Variants in ANKAR observed in about 807,000 individuals in gnomAD.
The protein encoded by ANKAR is ankyrin and armadillo repeat containing, also known as ankyrin and armadillo repeat-containing protein.
Under a neutral mutation model 146.2 loss-of-function variants are expected in ANKAR, and 136 were observed. That is an observed-to-expected ratio of 0.93 (90% CI 0.81 to 1.07). ANKAR has a LOEUF of 1.07. Ranked by LOEUF, ANKAR falls within the 50% of genes least tolerant of loss-of-function variation. The pLI, the probability that ANKAR is intolerant of heterozygous loss-of-function variation, is 0.00. For missense variants in ANKAR, 1,567 were observed against 1,679.9 expected, an observed-to-expected ratio of 0.93 and a Z score of 1.18; for synonymous variants, 500 against 575.8, an observed-to-expected ratio of 0.87 and a Z score of 1.88.
Position 189,692,264 on chromosome 2 carries a change from T to C in ANKAR, c.1049T>C (p.Val350Ala). ...GTTTTCATTTTTGGAGATGACAAGG[T>C]CAAGACAGAGCGAGAATTGCCTCCA... ...SLLQPFSDDK[V>A]KTERELPPFI... Residue 350 changes from valine to alanine, a missense_variant, in exon 4 of 23, where the codon GTC becomes GCC. Coordinates refer to ENST00000684021, the MANE Select transcript of ANKAR (RefSeq NM_001378068.1). 2 of 1,611,126 alleles carry C rather than the reference T, an allele frequency of 1.2e-6. No individual in the cohort carries two copies. The highest frequency in any genetic ancestry group is 8.5e-7 in the Non-Finnish European group (1 of 1,179,126).
chr2:189,678,837 A>T (rs187749639), intron 2 of ANKAR, among the ~76,000 whole-genome samples: 6 of 152,306 alleles, frequency 3.9e-5, no homozygotes, highest in Admixed American at 6.5e-5. Flanking sequence ...GCCTTGTAGT[A>T]TAGTTTGAAG....
Position 189,728,644 on chromosome 2 carries a change from T to C in ANKAR, c.3032-16T>C, listed in dbSNP as rs1366506998. 2 of 1,611,576 alleles carry C rather than the reference T, an allele frequency of 1.2e-6. No homozygotes were observed. The highest frequency in any genetic ancestry group is 1.1e-5 in the South Asian group (1 of 90,604). On this transcript the variant is annotated splice_polypyrimidine_tract_variant and intron_variant, in intron 14 of 22. Coordinates refer to ENST00000684021, the MANE Select transcript of ANKAR (RefSeq NM_001378068.1). ...GCACTGGAGTATCATACATGTATCT[T>C]GCTTTTCTTTATCAGGAGGTGAAGC...
chr2:189,717,200 G>T (rs2105761758), intron 10 of ANKAR, among the ~76,000 whole-genome samples: 1 of 152,154 alleles, frequency 6.6e-6, no homozygotes, highest in East Asian at 1.9e-4. Flanking sequence ...ATCTGACAAA[G>T]GGCTAATATC....
intron 3 of ANKAR, among the ~76,000 whole-genome samples, chr2:189,690,786 G>A (rs1278136211): frequency 2.0e-5 from 3 of 152,132 alleles, no homozygotes; most frequent in South Asian, 2.1e-4. Context: ...CTTGGGTGGT[G>A]GGGAGCATGT....
Position 189,730,548 on chromosome 2 carries a change from G to T in ANKAR, c.3247G>T (p.Ala1083Ser). ...TCAACAATTGGTTGTAGATGAAAAT[G>T]CCTTTCCAGTACTTATCCAACTACT... ...VSQQLVVDEN[A>S]FPVLIQLLRN... The change falls in exon 16 of 23, where the codon GCC (alanine) becomes TCC (serine). Residue 1083 changes from alanine to serine, a missense_variant. Ala to Ser is a moderately conservative substitution (Grantham distance 99). Coordinates refer to ENST00000684021, the MANE Select transcript of ANKAR (RefSeq NM_001378068.1). 6.2e-7 allele frequency: 1 copy of T among 1,605,036 alleles called. No individual in the cohort carries two copies.
At chr2:189,725,286 AC>A (rs1220048568) in intron 12 of ANKAR, among the ~76,000 whole-genome samples, 1 of 29,384 alleles carries the variant, frequency 3.4e-5, no homozygotes. Flanking sequence ...TTATACACAC[AC>A]ACACACACAC....
chr2:189,680,999 G>A (rs977785757), intron 2 of ANKAR, among the ~76,000 whole-genome samples: 1 of 9,114 alleles, frequency 1.1e-4, no homozygotes. Context: ...AACAGCGGTA[G>A]AGCCTTGACA....
chr2:189,695,757 TAGTC>T (rs1181238082), intron 6 of ANKAR, among the ~76,000 whole-genome samples: 1 of 152,218 alleles, frequency 6.6e-6, no homozygotes, highest in Non-Finnish European at 1.5e-5. Flanking sequence ...TTTTAAATAT[TAGTC>T]AGAATGTCTA....
chr2:189,743,500 GT>G, intron 21 of ANKAR, 26 bp downstream of exon 21: 1 of 1,593,886 alleles, frequency 6.3e-7, no homozygotes, highest in Non-Finnish European at 8.6e-7. Flanking sequence ...AGAAGTTGCA[GT>G]AGTGAAATCA....
chr2:189,696,248 A>G lies in ANKAR; in HGVS notation c.1587A>G (p.Ser529=), dbSNP rs759341352. 7.4e-6 allele frequency: 12 copies of G among 1,614,166 alleles called. No individual in the cohort carries two copies. Among genetic ancestry groups the G allele is most frequent in the Non-Finnish European group, 1.0e-5 (12 of 1,180,014 alleles). The change falls in exon 7 of 23, where the codon TCA becomes TCG. Residue 529 remains serine (S), a synonymous_variant. Transcript: ENST00000684021. ...CCTCAAGCTCAACAATCAATGTTTC[A>G]GATGAAGCAGGTTATACTATTTTTC... ...RKTSSSTINV[S]DEAGYTIFHH...
rs1338061610 is a variant in ANKAR at position 189,746,608 on chromosome 2, C to T, written c.4286C>T (p.Pro1429Leu). ...GGGAAACATGTCCAGAAAGCCAACC[C>T]AGAGCCTGCAGAAGGCTAATAAAAC... ...QLGKHVQKAN[P>L]EPAEG Residue 1429 changes from proline to leucine, a missense_variant, in exon 23 of 23, where the codon CCA becomes CTA. Coordinates refer to ENST00000684021, the MANE Select transcript of ANKAR (RefSeq NM_001378068.1). 6.2e-7 allele frequency: 1 copy of T among 1,603,290 alleles called. No individual in the cohort carries two copies. Among genetic ancestry groups the T allele is most frequent in the East Asian group, 2.2e-5 (1 of 44,658 alleles).
At chr2:189,755,575 G>A (rs757571698) in intron 18 of ANKAR, 1 of 1,573,126 alleles carries the variant, frequency 6.4e-7, no homozygotes, top group Non-Finnish European at 8.5e-7. Context: ...AAGAAAGAAA[G>A]ACAGCATTTT....
intron 10 of ANKAR, among the ~76,000 whole-genome samples, chr2:189,712,781 T>C (rs545872371): frequency 3.3e-5 from 5 of 152,252 alleles, no homozygotes; most frequent in East Asian, 3.9e-4. Flanking sequence ...CTTTGATGAG[T>C]TGACAGAAGT....
At chr2:189,677,719 C>A (rs1403517340) in intron 2 of ANKAR, among the ~76,000 whole-genome samples, 1 of 149,424 alleles carries the variant, frequency 6.7e-6, no homozygotes, top group East Asian at 2.0e-4. Flanking sequence ...CTGTGTTGAA[C>A]AGGCTGGCCT....
At chr2:189,702,522 C>G (rs936129648) in intron 7 of ANKAR, among the ~76,000 whole-genome samples, 2 of 152,152 alleles carry the variant, frequency 1.3e-5, no homozygotes, top group Non-Finnish European at 2.9e-5. Flanking sequence ...ATCCATTTGT[C>G]TCTCCAATTT....
At chr2:189,723,043 T>C (rs1325921160) in intron 12 of ANKAR, among the ~76,000 whole-genome samples, 7 of 152,348 alleles carry the variant, frequency 4.6e-5, no homozygotes, top group African/African-American at 1.4e-4. Context: ...CCTCCCTATA[T>C]AACTTCAGTG....
chr2:189,745,610 T>A (rs2044045096), intron 22 of ANKAR, among the ~76,000 whole-genome samples: 1 of 152,226 alleles, frequency 6.6e-6, no homozygotes, highest in Admixed American at 6.5e-5. Flanking sequence ...ATAAATTACT[T>A]GTTAATTTCA....
chr2:189,737,929 A>G, intron 18 of ANKAR, 88 bp downstream of exon 18: 2 of 1,291,846 alleles, frequency 1.5e-6, no homozygotes, highest in South Asian at 3.2e-5. Flanking sequence ...GCCCAGAAAA[A>G]CGTTTACTTA....
Position 189,677,074 on chromosome 2 carries a change from C to A in ANKAR, c.584C>A (p.Ser195Ter). Residue 195 changes from serine (S) to a stop codon, truncating the protein, a stop_gained, in exon 2 of 23, where the codon TCA becomes TAA. Coordinates refer to ENST00000684021, the MANE Select transcript of ANKAR (RefSeq NM_001378068.1). LOFTEE classifies it high-confidence loss of function. ...CCTCAAACAAATAAAGACATTTTTT[C>A]AGAGTTTAGTTCAGCAGGTAAGAGA... ...GKPQTNKDIF[S>*]EFSSAGLTDI... 1 of 1,557,334 alleles carries A rather than the reference C, an allele frequency of 6.4e-7. No homozygotes were observed. Among genetic ancestry groups the A allele is most frequent in the East Asian group, 2.2e-5 (1 of 44,500 alleles).
Sources: allele counts gnomAD v4.1 joint callset (sites outside exome capture counted in the v4.1 genomes callset), GRCh38; gene constraint gnomAD v4.1.1; transcripts MANE v1.5; gene names NCBI Gene and HGNC (gene_info 2026-07-23, HGNC 2026-07-21).